Variants in ANKS1B observed in about 807,000 individuals in gnomAD.
The protein encoded by ANKS1B is ankyrin repeat and sterile alpha motif domain-containing protein 1B.
In ANKS1B, 36 loss-of-function variants were observed where a neutral mutation model predicts 148.3. The observed-to-expected ratio is 0.24, with a 90% CI of 0.19 to 0.32. ANKS1B has a LOEUF of 0.32. Among genes scored for constraint, ANKS1B ranks in the 10% least tolerant of loss-of-function variants. The probability of loss-of-function intolerance (pLI) is 1.00; values close to 1 mark genes in which losing one functional copy is unlikely to be tolerated. For synonymous variants in ANKS1B, 542 were observed against 560.8 expected, an observed-to-expected ratio of 0.97 and a Z score of 0.47; for missense variants, 1,157 against 1,542.6, an observed-to-expected ratio of 0.75 and a Z score of 4.19.
downstream of ANKS1B, among the ~76,000 whole-genome samples, chr12:98,742,664 A>T (rs1045329133): frequency 6.6e-6 from 1 of 152,226 alleles, no homozygotes; most frequent in African/African-American, 2.4e-5. Context: ...CCTAGCTACT[A>T]ACAGAGTCAC....
intron 11 of ANKS1B, among the ~76,000 whole-genome samples, chr12:99,443,189 AG>A (rs1355545924): frequency 6.6e-6 from 1 of 152,006 alleles, no homozygotes; most frequent in Non-Finnish European, 1.5e-5. Flanking sequence ...GGAACACTGG[AG>A]GAAAACAAGG....
chr12:99,842,802 T>C (rs2085963063), intron 1 of ANKS1B, among the ~76,000 whole-genome samples: 1 of 152,180 alleles, frequency 6.6e-6, no homozygotes, highest in Non-Finnish European at 1.5e-5. Context: ...TTAACAAGCA[T>C]CATTGAATAA....
chr12:99,613,375 T>C (rs1451430785), intron 9 of ANKS1B, among the ~76,000 whole-genome samples: 1 of 152,088 alleles, frequency 6.6e-6, no homozygotes, highest in Admixed American at 6.6e-5. Flanking sequence ...AGAATATAAA[T>C]TGTTCCATTA....
chr12:98,886,732 G>A (rs1379499171), intron 17 of ANKS1B, among the ~76,000 whole-genome samples: 1 of 152,118 alleles, frequency 6.6e-6, no homozygotes, highest in African/African-American at 2.4e-5. Context: ...CACCTACAAA[G>A]GGTGGCCTCA....
intron 16 of ANKS1B, among the ~76,000 whole-genome samples, chr12:99,071,880 C>T (rs536450538): frequency 3.5e-4 from 54 of 152,136 alleles, no homozygotes; most frequent in Admixed American, 3.5e-3. Context: ...CTCCTGACCT[C>T]GTGATCTGCC....
At chr12:99,801,559 T>G (rs1347253706) in intron 4 of ANKS1B, among the ~76,000 whole-genome samples, 1 of 151,816 alleles carries the variant, frequency 6.6e-6, no homozygotes, top group African/African-American at 2.4e-5. Context: ...CAAGAGAGAA[T>G]GGAGGAAAGA....
At chr12:99,702,032 T>C (rs533135559) in intron 8 of ANKS1B, among the ~76,000 whole-genome samples, 1 of 152,286 alleles carries the variant, frequency 6.6e-6, no homozygotes, top group East Asian at 1.9e-4. Context: ...ATATACTGAT[T>C]TCCTTTCTTT....
At chr12:99,247,007 T>C (rs2153970314) in intron 12 of ANKS1B, 143 bp from the exon 13 acceptor site, 1 of 675,596 alleles carries the variant, frequency 1.5e-6, no homozygotes, top group African/African-American at 1.8e-5. Context: ...GAAATACCCC[T>C]GACCCCACAG....
chr12:98,930,971 A>G (rs971530555), intron 17 of ANKS1B, among the ~76,000 whole-genome samples: 1 of 150,942 alleles, frequency 6.6e-6, no homozygotes, highest in East Asian at 1.9e-4. Context: ...TTTCTCCCCT[A>G]TTGGGACAAT....
intron 17 of ANKS1B, among the ~76,000 whole-genome samples, chr12:98,891,922 G>A (rs12228344): frequency 6.6e-6 from 1 of 152,116 alleles, no homozygotes; most frequent in South Asian, 2.1e-4. Flanking sequence ...TTGATTACTA[G>A]CACTTGTAAA....
At chr12:99,659,352 G>A (rs1289615900) in intron 8 of ANKS1B, among the ~76,000 whole-genome samples, 1 of 151,978 alleles carries the variant, frequency 6.6e-6, no homozygotes, top group African/African-American at 2.4e-5. Flanking sequence ...ACTTTTTACT[G>A]GAGAACAAAC....
chr12:99,741,806 T>C (rs1156383701), intron 8 of ANKS1B, among the ~76,000 whole-genome samples: 1 of 152,000 alleles, frequency 6.6e-6, no homozygotes, highest in Non-Finnish European at 1.5e-5. Flanking sequence ...GAGAGATTGA[T>C]GGGTGCAGCA....
chr12:99,791,762 G>A (rs1279872320), intron 4 of ANKS1B, among the ~76,000 whole-genome samples: 1 of 140,208 alleles, frequency 7.1e-6, no homozygotes, highest in African/African-American at 2.6e-5. Flanking sequence ...GCAGTACTAA[G>A]AAGAAACTTT....
chr12:98,842,973 T>C (rs1038640178), intron 17 of ANKS1B, among the ~76,000 whole-genome samples: 1 of 152,228 alleles, frequency 6.6e-6, no homozygotes, highest in Admixed American at 6.5e-5. Context: ...TTCTAAGTAC[T>C]TACAACAAAT....
intron 17 of ANKS1B, among the ~76,000 whole-genome samples, chr12:98,868,269 A>G (rs764501523): frequency 6.6e-6 from 1 of 150,684 alleles, no homozygotes; most frequent in African/African-American, 2.4e-5. Context: ...TGGGCTGCGC[A>G]TGGAACGGGA....
chr12:99,069,986 G>C (rs1439113050), intron 16 of ANKS1B, among the ~76,000 whole-genome samples: 1 of 152,154 alleles, frequency 6.6e-6, no homozygotes, highest in African/African-American at 2.4e-5. Context: ...TAACTTCTTT[G>C]AGCTTTAATT....
At chr12:99,632,530 T>C (rs1050407613) in intron 9 of ANKS1B, among the ~76,000 whole-genome samples, 5 of 151,496 alleles carry the variant, frequency 3.3e-5, no homozygotes, top group African/African-American at 1.2e-4. Context: ...AAGCATGAGC[T>C]AAGCCCAGGA....
At chr12:98,806,295 T>C (rs1216662605) in intron 20 of ANKS1B, among the ~76,000 whole-genome samples, 2 of 152,376 alleles carry the variant, frequency 1.3e-5, no homozygotes, top group South Asian at 4.1e-4. Flanking sequence ...AAGCCTTGTA[T>C]TATTCTTTAA....
chr12:99,151,243 G>T (rs1322714501), intron 15 of ANKS1B, among the ~76,000 whole-genome samples: 4 of 152,000 alleles, frequency 2.6e-5, no homozygotes, highest in Non-Finnish European at 5.9e-5. Context: ...AAAAACAATT[G>T]GGGGCCAGGT....
Sources: gnomAD v4.1 joint callset for allele counts (sites outside exome capture counted in the v4.1 genomes callset) on GRCh38, gnomAD v4.1.1 for gene constraint, MANE v1.5 for transcripts, NCBI Gene and HGNC (gene_info 2026-07-23, HGNC 2026-07-21) for gene names.